NAV3: variants seen among roughly 807,000 people sequenced by gnomAD.
NAV3 encodes neuron navigator 3, also known as pore membrane and/or filament interacting like protein 1.
Under a neutral mutation model 244.7 loss-of-function variants are expected in NAV3, and 87 were observed. The observed-to-expected ratio is 0.36, with a 90% confidence interval of 0.30 to 0.42. The LOEUF is 0.42. NAV3 is among the 20% of genes least tolerant of loss of function. NAV3 has a pLI of 1.00. For synonymous variants in NAV3, 1,126 were observed against 1,042.2 expected (o/e 1.08, Z -1.55); for missense variants, 2,663 against 2,893.3 (o/e 0.92, Z 1.83).
intron 9 of NAV3, among the ~76,000 whole-genome samples, chr12:78,031,670 G>A (rs887537850): frequency 2.1e-5 from 3 of 145,302 alleles, no homozygotes; most frequent in Non-Finnish European, 4.5e-5. Context: ...TCACTCATAG[G>A]TGGGAATTGA....
intron 2 of NAV3, among the ~76,000 whole-genome samples, chr12:77,693,475 C>G (rs1875131189): frequency 1.3e-5 from 2 of 151,952 alleles, no homozygotes; most frequent in Admixed American, 6.6e-5. Flanking sequence ...CTTTGTGAAG[C>G]TCCATTCATG....
At chr12:78,205,215 C>A (rs188753154) in intron 39 of NAV3, 77 bp downstream of exon 39, 2 of 1,413,514 alleles carry the variant, frequency 1.4e-6, no homozygotes, top group Admixed American at 2.0e-5. Context: ...TTATTTCTAG[C>A]GAAGACATTT....
Position 78,050,191 on chromosome 12 carries a change from A to G in NAV3, c.2132+90A>G, listed in dbSNP as rs560284145. 151 of 875,648 alleles carry G rather than the reference A, an allele frequency of 1.7e-4. 2 individuals are homozygous for G. The South Asian group carries it at 2.3e-3, about 13-fold the overall frequency. 54.2% of individuals were successfully genotyped at this position (875,648 alleles called of 1,614,324 possible). On this transcript the variant is annotated intron_variant, in intron 10 of 39. Coordinates refer to ENST00000397909, the MANE Select transcript of NAV3 (RefSeq NM_001024383.2). ...CTTTTCTTATAATGACAGAGATGGG[A>G]TTTCAGTTTCCCCTTACTATTTTCT... is the stretch of plus-strand genomic sequence containing the variant.
intron 2 of NAV3, among the ~76,000 whole-genome samples, chr12:77,657,227 A>T (rs1423040052): frequency 6.6e-6 from 1 of 152,204 alleles, no homozygotes; most frequent in Non-Finnish European, 1.5e-5. Flanking sequence ...AATAAAGAAA[A>T]AAAGAGAGAA....
chr12:78,175,772 CTA>C (rs1291021705), intron 25 of NAV3, among the ~76,000 whole-genome samples: 4 of 146,158 alleles, frequency 2.7e-5, no homozygotes, highest in Non-Finnish European at 4.6e-5. Flanking sequence ...ACTATACAAA[CTA>C]TGTAGTATAA....
At chr12:77,671,429 G>C in intron 2 of NAV3, among the ~76,000 whole-genome samples, 1 of 152,064 alleles carries the variant, frequency 6.6e-6, no homozygotes, top group African/African-American at 2.4e-5. Flanking sequence ...AATTCATATG[G>C]AACCTAAAAG....
chr12:77,588,312 T>G lies in NAV3; in HGVS notation c.72+16046T>G, dbSNP rs1869733059. ...TATTTTTTTTTTGGTAGAGAAAGGG[T>G]CCCACTACGTTGCCCAGGCTGGTCT... On this transcript the variant is annotated intron_variant, in intron 2 of 8. Coordinates refer to the NAV3 transcript ENST00000550042. Among the ~76,000 whole-genome samples the G allele has an allele frequency of 1.3e-5, 2 of 151,632 alleles. 1 individual carries two copies. The highest frequency in any genetic ancestry group is 4.2e-4 in the South Asian group (2 of 4,786).
intron 9 of NAV3, among the ~76,000 whole-genome samples, chr12:78,028,612 T>C (rs1181939050): frequency 4.6e-5 from 7 of 152,126 alleles, no homozygotes; most frequent in African/African-American, 1.7e-4. Flanking sequence ...ACCAAAAGCT[T>C]GCATCCCTGC....
intron 2 of NAV3, among the ~76,000 whole-genome samples, chr12:77,622,405 C>G (rs1052674433): frequency 1.3e-5 from 2 of 151,986 alleles, no homozygotes; most frequent in Admixed American, 6.6e-5. Flanking sequence ...GTGATCTGCC[C>G]GCCTCAGCCT....
chr12:77,897,586 C>T (rs1884770815), intron 1 of NAV3, among the ~76,000 whole-genome samples: 2 of 152,086 alleles, frequency 1.3e-5, no homozygotes, highest in African/African-American at 4.8e-5. Flanking sequence ...GGTAAGCTGT[C>T]CTAGGCTTCA....
At chr12:77,585,391 T>G (rs1869553913) in intron 2 of NAV3, among the ~76,000 whole-genome samples, 1 of 152,188 alleles carries the variant, frequency 6.6e-6, no homozygotes, top group Admixed American at 6.5e-5. Flanking sequence ...TTTACCTGGG[T>G]AGCAGCCTTC....
intron 7 of NAV3, among the ~76,000 whole-genome samples, chr12:77,999,339 A>G (rs1441788924): frequency 6.6e-6 from 1 of 152,236 alleles, no homozygotes; most frequent in Admixed American, 6.5e-5. Flanking sequence ...TCTACATGGA[A>G]AAACACATGA....
chr12:77,654,163 C>T (rs535729587), intron 2 of NAV3, among the ~76,000 whole-genome samples: 25 of 152,244 alleles, frequency 1.6e-4, no homozygotes, highest in African/African-American at 4.6e-4. Flanking sequence ...TTGCCTCACT[C>T]GGGACGTGCA....
At chr12:78,147,111 T>A (rs1446028501) in intron 21 of NAV3, among the ~76,000 whole-genome samples, 2 of 152,116 alleles carry the variant, frequency 1.3e-5, no homozygotes, top group Non-Finnish European at 2.9e-5. Flanking sequence ...AAAGTATTCC[T>A]TTCCTTTGAA....
chr12:78,180,893 C>T lies in NAV3; in HGVS notation c.5540C>T (p.Ala1847Val), dbSNP rs2139732229. 6.2e-7 allele frequency: 1 copy of T among 1,612,264 alleles called. No homozygotes were observed. Among genetic ancestry groups the T allele is most frequent in the African/African-American group, 1.3e-5 (1 of 74,912 alleles). The change falls in exon 30 of 40, where the codon GCT (alanine) becomes GTT (valine). Residue 1847 changes from alanine to valine, a missense_variant. This residue lies in a region of NAV3 where 543 missense variants were observed against 672.4 expected (regional missense o/e 0.81). Coordinates refer to ENST00000397909, the MANE Select transcript of NAV3 (RefSeq NM_001024383.2). Reference protein sequence around the residue: ...RMQNEIEILKAENDRLKAETG... With the variant: ...RMQNEIEILKVENDRLKAETG... ...CAGAATGAAATTGAAATACTGAAAG[C>T]TGAAAATGACCGGTTGAAGGCAGAA...
intron 5 of NAV3, among the ~76,000 whole-genome samples, chr12:77,988,232 A>G (rs536936058): frequency 6.6e-6 from 1 of 152,286 alleles, no homozygotes; most frequent in South Asian, 2.1e-4. Context: ...TATATTTCTA[A>G]CAAGCCCCAG....
rs186396230 is a variant in NAV3, at chr12:78,177,428, T to G, written c.5297+115T>G. 6 of 1,236,574 alleles carry G rather than the reference T, an allele frequency of 4.9e-6. No homozygotes were observed. In the African/African-American group the frequency reaches 9.2e-5, roughly 19 times the overall value. The allele number at this position is 1,236,574 out of a possible 1,614,324, so 76.6% of individuals were successfully genotyped here. On this transcript the variant is annotated intron_variant, in intron 27 of 39. Transcript: ENST00000397909. ...AATTATTTTCAGATTTTTCTGAGAA[T>G]GATGGACAGCATTAGTTTCTCTTTT...
intron 12 of NAV3, among the ~76,000 whole-genome samples, chr12:78,109,404 C>T (rs1334923444): frequency 1.3e-5 from 2 of 151,946 alleles, no homozygotes; most frequent in East Asian, 3.9e-4. Flanking sequence ...CTTCTTGATG[C>T]TATTACAATA....
chr12:78,069,516 G>A (rs1952645195), intron 12 of NAV3, among the ~76,000 whole-genome samples: 1 of 151,608 alleles, frequency 6.6e-6, no homozygotes, highest in African/African-American at 2.4e-5. Context: ...TTTCTTCACT[G>A]TATTTATATA....
Sources: allele counts gnomAD v4.1 joint callset (sites outside exome capture counted in the v4.1 genomes callset), GRCh38; gene constraint gnomAD v4.1.1; regional missense constraint gnomAD v4.1.1; transcripts MANE v1.5; gene names NCBI Gene and HGNC (gene_info 2026-07-23, HGNC 2026-07-21).